HIRIP3: variants seen among roughly 807,000 people sequenced by gnomAD.
HIRIP3 encodes HIRA interacting protein 3, also known as HIRA-interacting protein 3.
In HIRIP3, 40 loss-of-function variants were observed where a neutral mutation model predicts 50.3. That is an observed-to-expected ratio of 0.79 (90% CI 0.62 to 1.03). The LOEUF is 1.03. HIRIP3 is among the 50% of genes least tolerant of loss of function. The pLI is 0.00. For missense variants in HIRIP3, 765 were observed against 705.4 expected (o/e 1.08, Z -0.96); for synonymous variants, 318 against 261.6 (o/e 1.22, Z -2.08).
At position 29,992,988 on chromosome 16, in the gene HIRIP3, A is replaced by G. The variant is rs956575834; in HGVS notation, c.*219T>C. On this transcript the variant is annotated 3_prime_UTR_variant, in exon 7 of 7. Transcript: ENST00000279392. ...TACAGGAGGTGAGAATGGGGGACCA[A>G]ATTTGATGAGGTGATTAAAAACACT... 2 of 404,594 alleles carry G rather than the reference A, an allele frequency of 4.9e-6. No homozygotes were observed. The highest frequency in any genetic ancestry group is 4.1e-5 in the African/African-American group (2 of 48,466). The allele number at this position is 404,594 out of a possible 1,614,324, so 25.1% of individuals were successfully genotyped here.
In HIRIP3 at chr16:29,994,691, G is replaced by A. The variant is rs1039364913; in HGVS notation, c.454C>T (p.Pro152Ser). Reference protein sequence around the residue: ...SSDEERQRDLPAQRGEESSEE... With the variant: ...SSDEERQRDLSAQRGEESSEE... ...CTGCTCTCCTCTCCCCTCTGTGCGG[G>A]CAGGTCCCTCTGCCGTTCCTCATCA... The change falls in exon 4 of 7, where the codon CCC (proline) becomes TCC (serine). Residue 152 changes from proline (P) to serine (S), a missense_variant. Coordinates refer to ENST00000279392, the MANE Select transcript of HIRIP3 (RefSeq NM_003609.5). 5.6e-6 allele frequency: 9 copies of A among 1,613,842 alleles called. No homozygotes were observed. The African/African-American group carries it at 1.1e-4, about 19-fold the overall frequency.
Position 29,993,527 on chromosome 16 carries a change from A to C in HIRIP3, c.1439T>G (p.Leu480Arg), listed in dbSNP as rs1409452654. The C allele has an allele frequency of 6.2e-7, 1 of 1,613,716 alleles. No individual in the cohort carries two copies. Among genetic ancestry groups the C allele is most frequent in the Non-Finnish European group, 8.5e-7 (1 of 1,179,852 alleles). Reference protein sequence around the residue: ...GTPSLGKCRALKEQREEAAEV... With the variant: ...GTPSLGKCRARKEQREEAAEV... ...AGCTGCCTCCTCCCTCTGCTCCTTC[A>C]GGGCCCGACACTTCCCTAGGGAAGG... is the stretch of plus-strand genomic sequence containing the variant. Residue 480 changes from leucine (L) to arginine (R), a missense_variant, in exon 6 of 7, where the codon CTG becomes CGG. By Grantham distance (102) the Leu-to-Arg change is moderately radical. Coordinates refer to ENST00000279392, the MANE Select transcript of HIRIP3 (RefSeq NM_003609.5).
chr16:29,994,901 A>C (rs1284866668), intron 3 of HIRIP3, 58 bp from the exon 4 acceptor site: 2 of 1,534,334 alleles, frequency 1.3e-6, no homozygotes, highest in Non-Finnish European at 1.7e-6. Flanking sequence ...TTCTCCCTTC[A>C]CTTCGGATAG....
In HIRIP3 at chr16:29,994,514, CCTT is replaced by C. The variant is rs763931620; in HGVS notation, c.628_630del (p.Lys210del). 3.7e-6 allele frequency: 6 copies of C among 1,614,172 alleles called. No homozygotes were observed. Among genetic ancestry groups the C allele is most frequent in the Non-Finnish European group, 5.1e-6 (6 of 1,180,046 alleles). On this transcript the variant is annotated inframe_deletion, in exon 4 of 7. Transcript: ENST00000279392. ...CTTTTAGTTCCTTTATTTCCCTCCA[CCTT>C]CTTTGCTGTCCTCTGAACGGGTTCT...
rs1453057215 is a variant in HIRIP3 at position 29,994,242 on chromosome 16, A to G, written c.903T>C (p.Ser301=). 1 of 1,613,436 alleles carries G rather than the reference A, an allele frequency of 6.2e-7. No homozygotes were observed. Among genetic ancestry groups the G allele is most frequent in the Admixed American group, 1.7e-5 (1 of 59,978 alleles). The change falls in exon 4 of 7, where the codon AGT becomes AGC. Residue 301 remains serine (S), a synonymous_variant. Transcript: ENST00000279392. ...CTCTATCTCTCCCACTGTCATCCCC[A>G]CTGCTGGCTGCCTCTTTCTGCTCTT... ...SEEEQKEAAS[S]GDDSGRDREP...
rs1404191810 is a variant in HIRIP3 at position 29,992,990 on chromosome 16, T to C, written c.*217A>G. On this transcript the variant is annotated 3_prime_UTR_variant, in exon 7 of 7. Transcript: ENST00000279392. ...CAGGAGGTGAGAATGGGGGACCAAA[T>C]TTGATGAGGTGATTAAAAACACTCC... is the stretch of plus-strand genomic sequence containing the variant. 4.9e-6 allele frequency: 2 copies of C among 405,482 alleles called. No homozygotes were observed. Among genetic ancestry groups the C allele is most frequent in the African/African-American group, 4.1e-5 (2 of 48,474 alleles). 25.1% of individuals were successfully genotyped at this position (405,482 alleles called of 1,614,324 possible).
rs748296758 is a variant in HIRIP3, at chr16:29,993,965, C to CT, written c.1179dup (p.Gly394ArgfsTer96). 2 of 1,561,730 alleles carry CT rather than the reference C, an allele frequency of 1.3e-6. No homozygotes were observed. The highest frequency in any genetic ancestry group is 8.7e-7 in the Non-Finnish European group (1 of 1,154,870). ...GAGGAAGAGGAGCTTCGTGTCCTGC[C>CT]TTTCCTGGAGCTCTTCTTGGAAGAG... is the stretch of plus-strand genomic sequence containing the variant. On this transcript the variant is annotated frameshift_variant, in exon 4 of 7. Transcript: ENST00000279392. LOFTEE classifies it high-confidence loss of function.
chr16:29,992,605 TA>T lies in HIRIP3; in HGVS notation c.*601del, dbSNP rs1342788593. The stretch of plus-strand genomic sequence containing the variant: ...GAGGCTGGGCCTGTAGCCAGAGGCC[TA>T]GAGGGCTAGGACTGGCCCAGGAGGT... On this transcript the variant is annotated 3_prime_UTR_variant, in exon 7 of 7. Coordinates refer to ENST00000279392, the MANE Select transcript of HIRIP3 (RefSeq NM_003609.5). The T allele has an allele frequency of 6.6e-6, 1 of 152,262 alleles. No individual in the cohort carries two copies. The highest frequency in any genetic ancestry group is 1.5e-5 in the Non-Finnish European group (1 of 68,076). The allele number at this position is 152,262 out of a possible 1,614,324, so 9.4% of individuals were successfully genotyped here.
At chr16:29,995,310 G>A (rs1209768735) in intron 2 of HIRIP3, 33 bp downstream of exon 2, 7 of 1,608,722 alleles carry the variant, frequency 4.4e-6, no homozygotes, top group Non-Finnish European at 5.1e-6. Context: ...CCCCGCCTCC[G>A]CCTCCCGCGG....
At position 29,995,175 on chromosome 16, in the gene HIRIP3, T is replaced by C. The variant is rs200237918; in HGVS notation, c.229A>G (p.Lys77Glu). ...GGGGTGGGAGGCCTCTTGCCCTTCT[T>C]GGTAAGGTCCAGTTTGTCTTCCCTG... ...ASREDKLDLT[K>E]KGKRPPTPCS... Residue 77 changes from lysine to glutamate, a missense_variant, in exon 3 of 7, where the codon AAG (lysine) becomes GAG (glutamate). By Grantham distance (56) the Lys-to-Glu change is moderately conservative (BLOSUM62 1). Coordinates refer to ENST00000279392, the MANE Select transcript of HIRIP3 (RefSeq NM_003609.5). The C allele has an allele frequency of 1.1e-5, 17 of 1,614,252 alleles. No individual in the cohort carries two copies. The Admixed American group carries it at 1.7e-4, about 16-fold the overall frequency.
intron 6 of HIRIP3, 23 bp downstream of exon 6, chr16:29,993,434 TGG>T: frequency 6.2e-7 from 1 of 1,602,870 alleles, no homozygotes; most frequent in Non-Finnish European, 8.5e-7. Flanking sequence ...TATCTGCTCC[TGG>T]GCAGTGAGAG....
At chr16:29,993,436 G>T (rs762154116) in intron 6 of HIRIP3, 23 bp downstream of exon 6, 1 of 1,603,522 alleles carries the variant, frequency 6.2e-7, no homozygotes. Context: ...TCTGCTCCTG[G>T]GCAGTGAGAG....
At chr16:29,994,936 G>A in intron 3 of HIRIP3, 93 bp from the exon 4 acceptor site, 1 of 1,500,544 alleles carries the variant, frequency 6.7e-7, no homozygotes, top group Non-Finnish European at 9.0e-7. Context: ...TGCCCTGACA[G>A]TTGGAGGGGC....
chr16:29,995,533 C>T lies in HIRIP3; in HGVS notation c.65+8G>A, dbSNP rs2070074612. ...CCTTTCCAACCCCATCTCCAACCCC[C>T]TGGGCACCTGAGGTCCGGGCGGCCT... On this transcript the variant is annotated splice_region_variant and intron_variant, in intron 1 of 6. Transcript: ENST00000279392. 2 of 1,613,452 alleles carry T rather than the reference C, an allele frequency of 1.2e-6. No homozygotes were observed. The highest frequency in any genetic ancestry group is 2.2e-5 in the East Asian group (1 of 44,886).
In HIRIP3 at chr16:29,993,127, T is replaced by G. The variant is rs2070005557; in HGVS notation, c.*80A>C. 3.7e-6 allele frequency: 5 copies of G among 1,364,862 alleles called. No homozygotes were observed. Among genetic ancestry groups the G allele is most frequent in the Admixed American group, 2.7e-5 (1 of 36,416 alleles). The allele number at this position is 1,364,862 out of a possible 1,614,324, so 84.5% of individuals were successfully genotyped here. ...GCAGTCTTCTCTGAAGGAAGCTGCTTCTGTTCCACAGACACAGGGCAAGGG... is the reference window on the plus strand; with the variant it reads ...GCAGTCTTCTCTGAAGGAAGCTGCTGCTGTTCCACAGACACAGGGCAAGGG... On this transcript the variant is annotated 3_prime_UTR_variant, in exon 7 of 7. Coordinates refer to ENST00000279392, the MANE Select transcript of HIRIP3 (RefSeq NM_003609.5).
chr16:29,993,120 A>T lies in HIRIP3; in HGVS notation c.*87T>A. ...GGGAGCTGCAGTCTTCTCTGAAGGA[A>T]GCTGCTTCTGTTCCACAGACACAGG... On this transcript the variant is annotated 3_prime_UTR_variant, in exon 7 of 7. Transcript: ENST00000279392. 5 of 1,278,164 alleles carry T rather than the reference A, an allele frequency of 3.9e-6. No homozygotes were observed. Among genetic ancestry groups the T allele is most frequent in the Non-Finnish European group, 5.3e-6 (5 of 946,158 alleles). 79.2% of individuals were successfully genotyped at this position (1,278,164 alleles called of 1,614,324 possible).
chr16:29,996,068 T>G, upstream of HIRIP3: 1 of 595,942 alleles, frequency 1.7e-6, no homozygotes, highest in Non-Finnish European at 3.0e-6. Flanking sequence ...GCGTCCGCCA[T>G]TTTTGTGGCG....
In HIRIP3 at chr16:29,994,007, C is replaced by T. The variant is rs773846275; in HGVS notation, c.1138G>A (p.Gly380Arg). Residue 380 changes from glycine (G) to arginine (R), a missense_variant, in exon 4 of 7, where the codon GGG becomes AGG. By Grantham distance (125) the Gly-to-Arg change is moderately radical (BLOSUM62 -2). Transcript: ENST00000279392. ...SDSEAGGGPQ[G>R]ERKNRSSKKS... Reference sequence around the variant, plus strand: ...TTGGAAGAGCGGTTCTTCCTCTCCCCCTGGGGGCCTCCCCCTGCCTCGCTG... The same window carrying T: ...TTGGAAGAGCGGTTCTTCCTCTCCCTCTGGGGGCCTCCCCCTGCCTCGCTG... The T allele has an allele frequency of 1.3e-6, 2 of 1,599,846 alleles. No homozygotes were observed. The highest frequency in any genetic ancestry group is 1.7e-6 in the Non-Finnish European group (2 of 1,172,766).
chr16:29,994,537 G>T lies in HIRIP3; in HGVS notation c.608C>A (p.Pro203His), dbSNP rs763845357. ...REESEESEAE[P>H]VQRTAKKVEG... ...CACCTTCTTTGCTGTCCTCTGAACG[G>T]GTTCTGCCTCGCTCTCCTCACTTTC... Residue 203 changes from proline to histidine, a missense_variant, in exon 4 of 7, where the codon CCC (proline) becomes CAC (histidine). By Grantham distance (77) the Pro-to-His change is moderately conservative (BLOSUM62 -2). Transcript: ENST00000279392. The T allele has an allele frequency of 6.2e-7, 1 of 1,613,926 alleles. No individual in the cohort carries two copies. Among genetic ancestry groups the T allele is most frequent in the East Asian group, 2.2e-5 (1 of 44,886 alleles).
Sources: allele counts gnomAD v4.1 joint callset, GRCh38; gene constraint gnomAD v4.1.1; transcripts MANE v1.5; gene names NCBI Gene and HGNC (gene_info 2026-07-23, HGNC 2026-07-21).